The following ETNK2 variants were observed in gnomAD, a reference collection of about 807,000 sequenced individuals.
ETNK2 encodes the protein ethanolamine kinase-like protein.
In ETNK2, 33 loss-of-function variants were observed where a neutral mutation model predicts 46.2. The observed-to-expected ratio is 0.71, with a 90% confidence interval of 0.54 to 0.96. The LOEUF (loss-of-function observed/expected upper bound fraction) is 0.96, where lower values mean the gene tolerates loss of function less well. Among genes scored for constraint, ETNK2 ranks in the 40% least tolerant of loss-of-function variants. The probability of loss-of-function intolerance (pLI) is 0.00; values close to 1 mark genes in which losing one functional copy is unlikely to be tolerated. For missense variants in ETNK2, 445 were observed against 509.7 expected, an observed-to-expected ratio of 0.87 and a Z score of 1.22; for synonymous variants, 194 against 209.0, an observed-to-expected ratio of 0.93 and a Z score of 0.62.
At chr1:204,140,530 C>CT (rs111395792) in intron 4 of ETNK2, among the ~76,000 whole-genome samples, 24,524 of 146,348 alleles carry the variant, frequency 0.17, 2,324 homozygotes, top group East Asian at 0.41. Context: ...TTGTTTTTGT[C>CT]TTTTTTTTTT....
At chr1:204,144,358 A>AAAAAAAAAAAAAAAC (rs1657693996) in intron 3 of ETNK2, among the ~76,000 whole-genome samples, 1 of 149,010 alleles carries the variant, frequency 6.7e-6, no homozygotes, top group Non-Finnish European at 1.5e-5. Flanking sequence ...AAAAAAAAAA[A>AAAAAAAAAAAAAAAC]AAAAAAAAAA....
intron 3 of ETNK2, among the ~76,000 whole-genome samples, chr1:204,143,893 A>C (rs1657665022): frequency 6.6e-6 from 1 of 152,100 alleles, no homozygotes; most frequent in African/African-American, 2.4e-5. Context: ...ATGTCAGCTT[A>C]GGGCTTAGGC....
At chr1:204,144,910 G>C (rs1029159005) in intron 3 of ETNK2, among the ~76,000 whole-genome samples, 1 of 152,180 alleles carries the variant, frequency 6.6e-6, no homozygotes, top group African/African-American at 2.4e-5. Context: ...TACACACCCT[G>C]CCTTATTTTG....
Position 204,137,171 on chromosome 1 carries a change from T to G in ETNK2, c.947A>C (p.Gln316Pro). The part of the protein sequence containing the change: ...LQWLHYYLQA[Q>P]KGMAVTPREV... ...CCTGGGGGTCACGGCCATCCCCTTTTGTGCCTGCAGGTAGTAGTGCAGCCA... is the reference window on the plus strand; with the variant it reads ...CCTGGGGGTCACGGCCATCCCCTTTGGTGCCTGCAGGTAGTAGTGCAGCCA... Residue 316 changes from glutamine to proline, a missense_variant, in exon 6 of 8, where the codon CAA becomes CCA. Physicochemically the swap from Gln to Pro is moderately conservative, Grantham distance 76 (BLOSUM62 -1). Coordinates refer to ENST00000367202, the MANE Select transcript of ETNK2 (RefSeq NM_018208.4). The G allele has an allele frequency of 1.2e-6, 2 of 1,614,002 alleles. No homozygotes were observed. Among genetic ancestry groups the G allele is most frequent in the East Asian group, 4.5e-5 (2 of 44,882 alleles).
intron 4 of ETNK2, 35 bp downstream of exon 4, chr1:204,141,280 A>G: frequency 6.2e-7 from 1 of 1,612,566 alleles, no homozygotes; most frequent in South Asian, 1.1e-5. Flanking sequence ...ACCAACCAAA[A>G]CCCTGCTGCT....
chr1:204,134,448 G>C (rs1469209787), intron 7 of ETNK2, 67 bp downstream of exon 7: 2 of 1,558,048 alleles, frequency 1.3e-6, no homozygotes, highest in African/African-American at 2.7e-5. Context: ...GCTGTCCTTT[G>C]CCCACACCCT....
At chr1:204,149,651 A>T in intron 2 of ETNK2, 52 bp downstream of exon 2, 1 of 1,516,312 alleles carries the variant, frequency 6.6e-7, no homozygotes, top group South Asian at 1.3e-5. Context: ...AAGGATTTCC[A>T]AGCCCAAGGC....
At chr1:204,139,861 C>A (rs1317930305) in intron 5 of ETNK2, among the ~76,000 whole-genome samples, 174 bp downstream of exon 5, 2 of 152,112 alleles carry the variant, frequency 1.3e-5, no homozygotes, top group Non-Finnish European at 2.9e-5. Flanking sequence ...AACTGTAACA[C>A]AATGCTAAGT....
chr1:204,133,718 A>G (rs1229556484), intron 7 of ETNK2, among the ~76,000 whole-genome samples: 4 of 151,768 alleles, frequency 2.6e-5, no homozygotes, highest in Non-Finnish European at 4.4e-5. Context: ...TTTTTAGTAG[A>G]GACGGGGTTT....
Position 204,146,744 on chromosome 1 carries a change from G to C in ETNK2, c.539C>G (p.Ala180Gly). Residue 180 changes from alanine to glycine, a missense_variant, in exon 3 of 8, where the codon GCA becomes GGA. Transcript: ENST00000367202. ...GTTGGCGTGGATAGTATGAATCTTTGCCATTTCTAAGGCGATTAACCTACA... is the reference window on the plus strand; with the variant it reads ...GTTGGCGTGGATAGTATGAATCTTTCCCATTTCTAAGGCGATTAACCTACA... Reference protein sequence around the residue: ...RLFRLIALEMAKIHTIHANGS... With the variant: ...RLFRLIALEMGKIHTIHANGS... 6.2e-7 allele frequency: 1 copy of C among 1,614,038 alleles called. No homozygotes were observed. The highest frequency in any genetic ancestry group is 8.5e-7 in the Non-Finnish European group (1 of 1,179,888).
intron 7 of ETNK2, among the ~76,000 whole-genome samples, chr1:204,133,535 T>C (rs1039271707): frequency 3.6e-5 from 5 of 137,962 alleles, no homozygotes; most frequent in Admixed American, 2.8e-4. Context: ...TTTTATTTTA[T>C]TTTTTTTTTT....
In ETNK2 at chr1:204,140,061, A is replaced by G. The variant is rs756911069; in HGVS notation, c.842T>C (p.Ile281Thr). ...YAGYNYQAFD[I>T]GNHFNEFAGV... ...TGCAAACTCATTGAAATGGTTGCCA[A>G]TGTCAAAAGCTTGGTAGTTGTAGCC... Residue 281 changes from isoleucine to threonine, a missense_variant, in exon 5 of 8, where the codon ATT becomes ACT. By Grantham distance (89) the Ile-to-Thr change is moderately conservative (BLOSUM62 -1). Coordinates refer to ENST00000367202, the MANE Select transcript of ETNK2 (RefSeq NM_018208.4). 13 of 1,613,850 alleles carry G rather than the reference A, an allele frequency of 8.1e-6. No homozygotes were observed. Among genetic ancestry groups the G allele is most frequent in the Non-Finnish European group, 1.0e-5 (12 of 1,179,886 alleles).
In ETNK2 at chr1:204,151,945, G is replaced by A; in HGVS notation, c.-93C>T. ...GTGGGAGTGGTAGAGGAGGGGCCAG[G>A]GGAAGTCCATGACTCAGGCGCGAGC... On this transcript the variant is annotated 5_prime_UTR_variant, in exon 1 of 8. Transcript: ENST00000367202. The surrounding 1 kb of genome is among the most constrained non-coding windows in gnomAD (Gnocchi z 8.0). 7.6e-7 allele frequency: 1 copy of A among 1,317,884 alleles called. No individual in the cohort carries two copies. Among genetic ancestry groups the A allele is most frequent in the African/African-American group, 1.6e-5 (1 of 64,044 alleles). The allele number at this position is 1,317,884 out of a possible 1,614,324, so 81.6% of individuals were successfully genotyped here. A position where few individuals can be genotyped will look rare whatever the true frequency, so the allele number is the denominator to read the frequency against.
rs990734149 is a variant in ETNK2, at chr1:204,131,767, C to T, written c.*417G>A. 9.7e-6 allele frequency: 2 copies of T among 205,918 alleles called. No individual in the cohort carries two copies. Among genetic ancestry groups the T allele is most frequent in the African/African-American group, 2.3e-5 (1 of 43,948 alleles). 12.8% of individuals were successfully genotyped at this position (205,918 alleles called of 1,614,324 possible). On this transcript the variant is annotated 3_prime_UTR_variant, in exon 8 of 8. Transcript: ENST00000367202. This position sits in a 1 kb window ranked among gnomAD's most constrained non-coding sequence, Gnocchi z 4.3. ...CCCACATGGGGCATGCAGGGGGAGA[C>T]GGACTGGAGGCTCAGGGCACTGGAG... is the stretch of plus-strand genomic sequence containing the variant.
At chr1:204,143,809 C>T (rs868336747) in intron 3 of ETNK2, among the ~76,000 whole-genome samples, 1 of 152,180 alleles carries the variant, frequency 6.6e-6, no homozygotes, top group Non-Finnish European at 1.5e-5. Flanking sequence ...CACCAACCCA[C>T]CCACCAGTAT....
chr1:204,139,105 C>G (rs531687028), intron 5 of ETNK2, among the ~76,000 whole-genome samples: 4 of 152,260 alleles, frequency 2.6e-5, no homozygotes, highest in Admixed American at 2.6e-4. Context: ...AAATAAACTG[C>G]CCAAGGGTCA....
chr1:204,134,422 T>G, intron 7 of ETNK2, 93 bp downstream of exon 7: 1 of 1,419,508 alleles, frequency 7.0e-7, no homozygotes, highest in Non-Finnish European at 9.6e-7. Flanking sequence ...GAGCGGACTC[T>G]GGGCATTCTG....
At chr1:204,149,656 C>A in intron 2 of ETNK2, 47 bp downstream of exon 2, 1 of 1,526,408 alleles carries the variant, frequency 6.6e-7, no homozygotes, top group African/African-American at 1.4e-5. Flanking sequence ...TTTCCAAGCC[C>A]AAGGCCTGAA....
At chr1:204,141,275 C>G in intron 4 of ETNK2, 40 bp downstream of exon 4, 1 of 1,613,904 alleles carries the variant, frequency 6.2e-7, no homozygotes, top group South Asian at 1.1e-5. Context: ...AACCAACCAA[C>G]CAAAACCCTG....
Sources: allele counts gnomAD v4.1 joint callset (sites outside exome capture counted in the v4.1 genomes callset), GRCh38; gene constraint gnomAD v4.1.1; non-coding constraint Gnocchi (gnomAD v3.1); transcripts MANE v1.5; gene names NCBI Gene and HGNC (gene_info 2026-07-23, HGNC 2026-07-21).